RGS7: variants seen among roughly 807,000 people sequenced by gnomAD.
RGS7 encodes the protein regulator of G-protein signaling 7.
Under a neutral mutation model 81.1 loss-of-function variants are expected in RGS7, and 27 were observed. That is an observed-to-expected ratio of 0.33 (90% CI 0.25 to 0.46). The LOEUF is 0.46. Among genes scored for constraint, RGS7 ranks in the 20% least tolerant of loss-of-function variants. The pLI is 1.00. For missense variants in RGS7, 396 were observed against 607.4 expected, an observed-to-expected ratio of 0.65 and a Z score of 3.66; for synonymous variants, 208 against 207.7, an observed-to-expected ratio of 1.00 and a Z score of -0.01.
At chr1:241,306,015 G>T in intron 2 of RGS7, 1 of 154,848 alleles carries the variant, frequency 6.5e-6, no homozygotes, top group Non-Finnish European at 1.4e-5. Context: ...ATTTGGAAAG[G>T]TTTATGGGGG....
rs536135556 is a variant in RGS7 at position 241,142,990 on chromosome 1, C to T, written c.79-44228G>A. Among the ~76,000 whole-genome samples, 6 of 152,310 alleles carry T rather than the reference C, an allele frequency of 3.9e-5. No individual in the cohort carries two copies. In the South Asian group the frequency reaches 1.0e-3, roughly 26 times the overall value. The stretch of plus-strand genomic sequence containing the variant: ...CATCTCTCTCAAGTTCAAAGTTCCA[C>T]AAATATCTCAGGCAGGAGCAAAATG... On this transcript the variant is annotated intron_variant, in intron 2 of 18. Transcript: ENST00000440928.
At chr1:241,257,997 C>T (rs1359921485) in intron 2 of RGS7, among the ~76,000 whole-genome samples, 1 of 152,114 alleles carries the variant, frequency 6.6e-6, no homozygotes, top group African/African-American at 2.4e-5. Context: ...AGTATGTAGA[C>T]ACTATGAATT....
intron 3 of RGS7, among the ~76,000 whole-genome samples, chr1:241,008,869 A>T (rs2058811537): frequency 7.2e-6 from 1 of 138,232 alleles, no homozygotes; most frequent in Admixed American, 8.4e-5. Context: ...CCGAGATTGT[A>T]CCATTGCACT....
intron 2 of RGS7, among the ~76,000 whole-genome samples, chr1:241,214,239 AT>A (rs566172063): frequency 2.6e-5 from 4 of 151,654 alleles, no homozygotes; most frequent in African/African-American, 7.3e-5. Context: ...ATTTATCTTA[AT>A]TTTTTTTATT....
intron 2 of RGS7, among the ~76,000 whole-genome samples, chr1:241,177,532 G>C (rs1437003678): frequency 6.6e-6 from 1 of 152,228 alleles, no homozygotes; most frequent in Non-Finnish European, 1.5e-5. Flanking sequence ...GTTATAAACA[G>C]TGATGCGACT....
intron 2 of RGS7, among the ~76,000 whole-genome samples, chr1:241,204,589 A>G (rs990311488): frequency 2.0e-5 from 3 of 152,224 alleles, no homozygotes; most frequent in African/African-American, 7.2e-5. Flanking sequence ...GTTTAAAAAC[A>G]AAAGAATTAA....
chr1:241,313,322 G>A (rs1397444353), intron 2 of RGS7, among the ~76,000 whole-genome samples: 1 of 152,252 alleles, frequency 6.6e-6, no homozygotes, highest in Non-Finnish European at 1.5e-5. Context: ...CATAGCTAGA[G>A]AGGAGATGTC....
intron 2 of RGS7, among the ~76,000 whole-genome samples, chr1:241,204,819 A>C (rs1490165910): frequency 6.6e-6 from 1 of 152,132 alleles, no homozygotes; most frequent in African/African-American, 2.4e-5. Context: ...GAGATGATAT[A>C]GTTAAACAGT....
rs1349361150 is a variant in RGS7 at position 241,184,862 on chromosome 1, T to C, written c.79-86100A>G. ...AATTTCAGGTTCCATGACAGAAATA[T>C]ATTTGAAGAGCTATAAAAGCTTGAA... On this transcript the variant is annotated intron_variant, in intron 2 of 18. Transcript: ENST00000440928. 3.9e-5 allele frequency among the ~76,000 whole-genome samples: 6 copies of C among 152,144 alleles called. No homozygotes were observed. The East Asian group carries it at 1.2e-3, about 29-fold the overall frequency.
At chr1:240,940,571 G>A (rs1029537008) in intron 4 of RGS7, among the ~76,000 whole-genome samples, 1 of 152,268 alleles carries the variant, frequency 6.6e-6, no homozygotes, top group East Asian at 1.9e-4. Flanking sequence ...CACTTTCCCG[G>A]AAGAAAAATT....
At chr1:241,029,896 T>C (rs1268108411) in intron 3 of RGS7, among the ~76,000 whole-genome samples, 2 of 152,224 alleles carry the variant, frequency 1.3e-5, no homozygotes, top group Admixed American at 6.5e-5. Context: ...CAGTGATATT[T>C]GCCTTTTTAA....
At chr1:240,950,993 C>T (rs1679462557) in intron 4 of RGS7, among the ~76,000 whole-genome samples, 2 of 151,522 alleles carry the variant, frequency 1.3e-5, no homozygotes, top group South Asian at 4.2e-4. Context: ...GTGATCATGG[C>T]TCATTGCAGC....
chr1:241,143,607 C>T lies in RGS7; in HGVS notation c.79-44845G>A, dbSNP rs184869704. On this transcript the variant is annotated intron_variant, in intron 2 of 18. Coordinates refer to ENST00000440928, the MANE Select transcript of RGS7 (RefSeq NM_001364886.1). ...CAATCACTTCCCACCAGGTCCCTCT[C>T]ACAACATGTGGGAATTCAAGATGAG... Among the ~76,000 whole-genome samples the T allele has an allele frequency of 6.5e-3, 983 of 152,288 alleles. 8 individuals carry two copies. The highest frequency in any genetic ancestry group is 9.8e-3 in the Non-Finnish European group (669 of 68,026).
At chr1:241,123,612 G>A (rs925109809) in intron 2 of RGS7, among the ~76,000 whole-genome samples, 3 of 152,196 alleles carry the variant, frequency 2.0e-5, no homozygotes, top group Non-Finnish European at 2.9e-5. Context: ...TTAGCCAGCT[G>A]TGGTGGCACA....
chr1:241,116,396 G>C (rs767981687), intron 2 of RGS7, among the ~76,000 whole-genome samples: 3 of 152,044 alleles, frequency 2.0e-5, no homozygotes, highest in Non-Finnish European at 2.9e-5. Flanking sequence ...AAAAGGTACC[G>C]TATATAGGTT....
chr1:241,079,882 T>TA (rs1558686554), intron 3 of RGS7, among the ~76,000 whole-genome samples: 2 of 152,062 alleles, frequency 1.3e-5, no homozygotes, highest in South Asian at 4.1e-4. Flanking sequence ...CTCTAGGATT[T>TA]AAAAAAATAA....
chr1:241,178,393 A>G (rs2071336411), intron 2 of RGS7, among the ~76,000 whole-genome samples: 1 of 152,178 alleles, frequency 6.6e-6, no homozygotes, highest in South Asian at 2.1e-4. Flanking sequence ...AATCGTAAAA[A>G]TTTGGATGCA....
intron 10 of RGS7, among the ~76,000 whole-genome samples, chr1:240,820,456 C>T (rs983526292): frequency 1.3e-5 from 2 of 151,304 alleles, no homozygotes; most frequent in African/African-American, 2.4e-5. Context: ...AAAATTATCC[C>T]GTTTTTTTTT....
intron 2 of RGS7, among the ~76,000 whole-genome samples, chr1:241,191,095 C>T (rs896386296): frequency 1.8e-4 from 28 of 152,000 alleles, no homozygotes; most frequent in African/African-American, 6.5e-4. Flanking sequence ...CATTCTCCTG[C>T]CTCAGCCTCC....
Sources: allele counts gnomAD v4.1 joint callset (sites outside exome capture counted in the v4.1 genomes callset), GRCh38; gene constraint gnomAD v4.1.1; transcripts MANE v1.5; gene names NCBI Gene and HGNC (gene_info 2026-07-23, HGNC 2026-07-21).